TRIM56: variants seen among roughly 807,000 people sequenced by gnomAD.
The protein encoded by TRIM56 is tripartite motif containing 56, also known as E3 ubiquitin-protein ligase TRIM56.
Under a neutral mutation model 17.1 loss-of-function variants are expected in TRIM56, and 10 were observed. The ratio of observed to expected loss-of-function variants is 0.58; its 90% CI spans 0.36 to 0.99. The LOEUF (loss-of-function observed/expected upper bound fraction) is 0.99, where lower values mean the gene tolerates loss of function less well. TRIM56 is among the 50% of genes least tolerant of loss of function. The probability of loss-of-function intolerance (pLI) is 0.01; values close to 1 mark genes in which losing one functional copy is unlikely to be tolerated. For missense variants in TRIM56, 923 were observed against 1,052.3 expected (o/e 0.88, Z 1.70); for synonymous variants, 503 against 473.5 (o/e 1.06, Z -0.81).
In TRIM56 at chr7:101,087,900, C is replaced by T. The variant is rs752634341; in HGVS notation, c.588C>T (p.Pro196=). Residue 196 remains proline, a synonymous_variant, in exon 3 of 3, where the codon CCC becomes CCT. Coordinates refer to ENST00000306085, the MANE Select transcript of TRIM56 (RefSeq NM_030961.3). ...QLLCRECRLD[P]HLDHPCLPLA... is the part of the protein sequence containing the mutation. ...TGTGCAGAGAGTGCCGCCTAGACCC[C>T]CACCTGGACCACCCCTGCCTGCCTC... 5.0e-6 allele frequency: 8 copies of T among 1,603,496 alleles called. No individual in the cohort carries two copies. In the Admixed American group the frequency reaches 8.4e-5, roughly 17 times the overall value.
rs746284659 is a variant in TRIM56, at chr7:101,088,671, G to C, written c.1359G>C (p.Arg453Ser). The C allele has an allele frequency of 1.6e-5, 26 of 1,613,936 alleles. No homozygotes were observed. Among genetic ancestry groups the C allele is most frequent in the Non-Finnish European group, 2.1e-5 (25 of 1,179,958 alleles). ...AGGATGGAGGACCCCAGCCCCACAG[G>C]GGTGGCAGACCCAACAAGAAGAAAA... is the stretch of plus-strand genomic sequence containing the variant. ...PHEDGGPQPH[R>S]GGRPNKKKKF... The change falls in exon 3 of 3, where the codon AGG (arginine) becomes AGC (serine). Residue 453 changes from arginine to serine, a missense_variant. Transcript: ENST00000306085.
rs1465217035 is a variant in TRIM56 at position 101,096,154 on chromosome 7, A to G, written c.*6574A>G. 1 of 151,860 alleles carries G rather than the reference A, an allele frequency of 6.6e-6. No homozygotes were observed. The highest frequency in any genetic ancestry group is 6.6e-5 in the Admixed American group (1 of 15,176). The allele number at this position is 151,860 out of a possible 1,614,324, so 9.4% of individuals were successfully genotyped here. A position where few individuals can be genotyped will look rare whatever the true frequency, so the allele number is the denominator to read the frequency against. ...CAGCGAGCTGAGATCGTACCACTGC[A>G]CTCCAGCCTGGGCAACAGAGTGAGA... On this transcript the variant is annotated 3_prime_UTR_variant, in exon 3 of 3. Coordinates refer to ENST00000306085, the MANE Select transcript of TRIM56 (RefSeq NM_030961.3).
Position 101,088,342 on chromosome 7 carries a change from C to A in TRIM56, c.1030C>A (p.Pro344Thr). 1 of 1,537,910 alleles carries A rather than the reference C, an allele frequency of 6.5e-7. No homozygotes were observed. Among genetic ancestry groups the A allele is most frequent in the Non-Finnish European group, 8.7e-7 (1 of 1,146,080 alleles). Reference sequence around the variant, plus strand: ...GCAGGGCTGCCCCTGGGCACCAGGCCCGGCCCCCTGCCTGCTCCCACAGCT... The same window carrying A: ...GCAGGGCTGCCCCTGGGCACCAGGCACGGCCCCCTGCCTGCTCCCACAGCT... Reference protein sequence around the residue: ...QLQGCPWAPGPAPCLLPQLEL... With the variant: ...QLQGCPWAPGTAPCLLPQLEL... Residue 344 changes from proline (P) to threonine (T), a missense_variant, in exon 3 of 3, where the codon CCG becomes ACG. Around this residue, in one of 3 missense-constraint regions of TRIM56, gnomAD observed 643 missense variants for 665.6 expected, o/e 0.97. Coordinates refer to ENST00000306085, the MANE Select transcript of TRIM56 (RefSeq NM_030961.3).
In TRIM56 at chr7:101,092,130, G is replaced by A; in HGVS notation, c.*2550G>A. On this transcript the variant is annotated 3_prime_UTR_variant, in exon 3 of 3. Transcript: ENST00000306085. Reference sequence around the variant, plus strand: ...GCTGGAGTGCAGTGTCGTGATCTCGGCTAGCTACAACCTCCACCTCCCAGC... The same window carrying A: ...GCTGGAGTGCAGTGTCGTGATCTCGACTAGCTACAACCTCCACCTCCCAGC... 4.0e-6 allele frequency: 1 copy of A among 251,532 alleles called. No individual in the cohort carries two copies. Among genetic ancestry groups the A allele is most frequent in the South Asian group, 3.8e-5 (1 of 26,536 alleles). The allele number at this position is 251,532 out of a possible 1,614,324, so 15.6% of individuals were successfully genotyped here.
Position 101,087,344 on chromosome 7 carries a change from T to TG in TRIM56, c.34dup (p.Glu12GlyfsTer11). 6.2e-7 allele frequency: 1 copy of TG among 1,613,068 alleles called. No homozygotes were observed. Among genetic ancestry groups the TG allele is most frequent in the Non-Finnish European group, 8.5e-7 (1 of 1,179,956 alleles). On this transcript the variant is annotated frameshift_variant, in exon 3 of 3. Coordinates refer to ENST00000306085, the MANE Select transcript of TRIM56 (RefSeq NM_030961.3). LOFTEE classifies it low-confidence loss of function (END_TRUNC). ...TCCCACGGGTCCTCGCCCTCCCTCCTGGAGGCCCTGAGCAGCGACTTCCTG... is the reference window on the plus strand; with the variant it reads ...TCCCACGGGTCCTCGCCCTCCCTCCTGGGAGGCCCTGAGCAGCGACTTCCTG...
At position 101,094,297 on chromosome 7, in the gene TRIM56, A is replaced by G. The variant is rs1390427009; in HGVS notation, c.*4717A>G. 1 of 152,218 alleles carries G rather than the reference A, an allele frequency of 6.6e-6. No homozygotes were observed. Among genetic ancestry groups the G allele is most frequent in the East Asian group, 1.9e-4 (1 of 5,196 alleles). The allele number at this position is 152,218 out of a possible 1,614,324, so 9.4% of individuals were successfully genotyped here. A position where few individuals can be genotyped will look rare whatever the true frequency, so the allele number is the denominator to read the frequency against. ...AAGGAAAACATCTGTCTAAATAATT[A>G]CTGAGTAGAAATAGGTTCGGAATTT... On this transcript the variant is annotated 3_prime_UTR_variant, in exon 3 of 3. Transcript: ENST00000306085.
rs1318895806 is a variant in TRIM56 at position 101,091,652 on chromosome 7, A to C, written c.*2072A>C. 2.3e-6 allele frequency: 1 copy of C among 430,290 alleles called. No homozygotes were observed. Among genetic ancestry groups the C allele is most frequent in the African/African-American group, 2.1e-5 (1 of 47,932 alleles). 26.7% of individuals were successfully genotyped at this position (430,290 alleles called of 1,614,324 possible). A position where few individuals can be genotyped will look rare whatever the true frequency, so the allele number is the denominator to read the frequency against. On this transcript the variant is annotated 3_prime_UTR_variant, in exon 3 of 3. Coordinates refer to ENST00000306085, the MANE Select transcript of TRIM56 (RefSeq NM_030961.3). ...TGAGGCAGGAGAATCATTTGAACCCAGGAGGTGGAAGTTGCAGTGAGCTCA... is the reference window on the plus strand; with the variant it reads ...TGAGGCAGGAGAATCATTTGAACCCCGGAGGTGGAAGTTGCAGTGAGCTCA...
rs575895725 is a variant in TRIM56 at position 101,088,290 on chromosome 7, G to T, written c.978G>T (p.Gly326=). Residue 326 remains glycine (G), a synonymous_variant, in exon 3 of 3, where the codon GGG becomes GGT. Coordinates refer to ENST00000306085, the MANE Select transcript of TRIM56 (RefSeq NM_030961.3). The part of the protein sequence containing the change: ...GREAEILSLE[G]AIAQRLRQLQ... ...AGGCCGAGATCCTCTCCCTGGAAGG[G>T]GCGATCGCACAGCGGCTCAGGCAGC... The T allele has an allele frequency of 1.7e-4, 265 of 1,522,530 alleles. No homozygotes were observed. In the East Asian group the frequency reaches 5.6e-3, roughly 32 times the overall value. The allele number at this position is 1,522,530 out of a possible 1,614,324, so 94.3% of individuals were successfully genotyped here.
Position 101,092,002 on chromosome 7 carries a change from C to T in TRIM56, c.*2422C>T, listed in dbSNP as rs1009143351. ...ACGGGGTTTCACTGTGTTGGCCGGGCTGGTCTCCAGCTCCTAACCGCGAGT... is the reference window on the plus strand; with the variant it reads ...ACGGGGTTTCACTGTGTTGGCCGGGTTGGTCTCCAGCTCCTAACCGCGAGT... On this transcript the variant is annotated 3_prime_UTR_variant, in exon 3 of 3. Transcript: ENST00000306085. 1.6e-5 allele frequency: 5 copies of T among 303,910 alleles called. No individual in the cohort carries two copies. The highest frequency in any genetic ancestry group is 4.7e-5 in the Admixed American group (1 of 21,280). 18.8% of individuals were successfully genotyped at this position (303,910 alleles called of 1,614,324 possible). A position where few individuals can be genotyped will look rare whatever the true frequency, so the allele number is the denominator to read the frequency against.
chr7:101,088,166 A>T lies in TRIM56; in HGVS notation c.854A>T (p.Glu285Val). The change falls in exon 3 of 3, where the codon GAA (glutamate) becomes GTA (valine). Residue 285 changes from glutamate (E) to valine (V), a missense_variant. By Grantham distance (121) the Glu-to-Val change is moderately radical. Around this residue, in one of 3 missense-constraint regions of TRIM56, gnomAD observed 643 missense variants for 665.6 expected, o/e 0.97. Transcript: ENST00000306085. ...GQLRAHVEAA[E>V]EAARERLAEL... ...CTACGAGCCCACGTGGAGGCTGCCG[A>T]AGAAGCTGCTCGGGAGAGGCTGGCG... 6.7e-7 allele frequency: 1 copy of T among 1,500,310 alleles called. No individual in the cohort carries two copies. The highest frequency in any genetic ancestry group is 8.9e-7 in the Non-Finnish European group (1 of 1,126,030). 92.9% of individuals were successfully genotyped at this position (1,500,310 alleles called of 1,614,324 possible). A position where few individuals can be genotyped will look rare whatever the true frequency, so the allele number is the denominator to read the frequency against.
rs1411841976 is a variant in TRIM56 at position 101,088,221 on chromosome 7, G to A, written c.909G>A (p.Arg303=). The A allele has an allele frequency of 6.8e-7, 1 of 1,464,322 alleles. No individual in the cohort carries two copies. The highest frequency in any genetic ancestry group is 9.0e-7 in the Non-Finnish European group (1 of 1,113,672). 90.7% of individuals were successfully genotyped at this position (1,464,322 alleles called of 1,614,324 possible). A position where few individuals can be genotyped will look rare whatever the true frequency, so the allele number is the denominator to read the frequency against. ...AELEGREQVA[R]AAAAFARRVL... is the part of the protein sequence containing the mutation. ...TTGAGGGCCGGGAGCAGGTGGCCAGGGCCGCAGCCGCCTTCGCCCGCCGGG... is the reference window on the plus strand; with the variant it reads ...TTGAGGGCCGGGAGCAGGTGGCCAGAGCCGCAGCCGCCTTCGCCCGCCGGG... The change falls in exon 3 of 3, where the codon AGG becomes AGA. Residue 303 remains arginine, a synonymous_variant. Transcript: ENST00000306085.
Position 101,096,283 on chromosome 7 carries a change from A to T in TRIM56, c.*6703A>T, listed in dbSNP as rs1795652392. ...CCACTGCACCACACCTGGGATTGTG[A>T]CAATTAACTTGATAAATTGTTCCTT... is the stretch of plus-strand genomic sequence containing the variant. On this transcript the variant is annotated 3_prime_UTR_variant, in exon 3 of 3. Coordinates refer to ENST00000306085, the MANE Select transcript of TRIM56 (RefSeq NM_030961.3). 6.6e-6 allele frequency: 1 copy of T among 152,186 alleles called. No homozygotes were observed. Among genetic ancestry groups the T allele is most frequent in the Non-Finnish European group, 1.5e-5 (1 of 68,044 alleles). The allele number at this position is 152,186 out of a possible 1,614,324, so 9.4% of individuals were successfully genotyped here. A position where few individuals can be genotyped will look rare whatever the true frequency, so the allele number is the denominator to read the frequency against.
rs746665547 is a variant in TRIM56, at chr7:101,089,277, G to A, written c.1965G>A (p.Gln655=). 87 of 1,609,762 alleles carry A rather than the reference G, an allele frequency of 5.4e-5. No homozygotes were observed. The highest frequency in any genetic ancestry group is 6.9e-5 in the Non-Finnish European group (81 of 1,176,984). Residue 655 remains glutamine, a synonymous_variant, in exon 3 of 3, where the codon CAG becomes CAA. Transcript: ENST00000306085. Reference sequence around the variant, plus strand: ...ATTTCGTGGGGTCGGACTGGCAGCAGAATAGTGTGGTAATCTGTGATGGGC... The same window carrying A: ...ATTTCGTGGGGTCGGACTGGCAGCAAAATAGTGTGGTAATCTGTGATGGGC... The part of the protein sequence containing the change: ...QGHFVGSDWQ[Q]NSVVICDGLG...
rs1311936952 is a variant in TRIM56 at position 101,095,436 on chromosome 7, G to T, written c.*5856G>T. On this transcript the variant is annotated 3_prime_UTR_variant, in exon 3 of 3. Transcript: ENST00000306085. ...GTGTCCCGCTTCTGTGCATGTGGAG[G>T]GGGTAACTGGGAACCGTGTACTGTA... The T allele has an allele frequency of 6.6e-6, 1 of 152,306 alleles. No homozygotes were observed. The highest frequency in any genetic ancestry group is 1.9e-4 in the East Asian group (1 of 5,186). 9.4% of individuals were successfully genotyped at this position (152,306 alleles called of 1,614,324 possible).
Position 101,093,384 on chromosome 7 carries a change from A to G in TRIM56, c.*3804A>G, listed in dbSNP as rs1232445493. 6.6e-6 allele frequency: 1 copy of G among 152,336 alleles called. No homozygotes were observed. The highest frequency in any genetic ancestry group is 1.5e-5 in the Non-Finnish European group (1 of 68,566). The allele number at this position is 152,336 out of a possible 1,614,324, so 9.4% of individuals were successfully genotyped here. A position where few individuals can be genotyped will look rare whatever the true frequency, so the allele number is the denominator to read the frequency against. The stretch of plus-strand genomic sequence containing the variant: ...AGAAAACCAAGAAGATGGGAAAACC[A>G]TGCAGAATTGATTTGACGAGGAAAG... On this transcript the variant is annotated 3_prime_UTR_variant, in exon 3 of 3. Transcript: ENST00000306085.
At position 101,088,922 on chromosome 7, in the gene TRIM56, A is replaced by G. The variant is rs755441953; in HGVS notation, c.1610A>G (p.Asn537Ser). 11 of 1,613,566 alleles carry G rather than the reference A, an allele frequency of 6.8e-6. No homozygotes were observed. The highest frequency in any genetic ancestry group is 8.5e-6 in the Non-Finnish European group (10 of 1,180,010). ...CGGGCACTGAAACGCTTCTCCCTCA[A>G]CGGCGACTACAAGGGCACCGTGCCG... ...QNRALKRFSL[N>S]GDYKGTVPVP... Residue 537 changes from asparagine (N) to serine (S), a missense_variant, in exon 3 of 3, where the codon AAC (asparagine) becomes AGC (serine). Around this residue, in one of 3 missense-constraint regions of TRIM56, gnomAD observed 643 missense variants for 665.6 expected, o/e 0.97. Coordinates refer to ENST00000306085, the MANE Select transcript of TRIM56 (RefSeq NM_030961.3).
At position 101,089,659 on chromosome 7, in the gene TRIM56, C is replaced by T; in HGVS notation, c.*79C>T. On this transcript the variant is annotated 3_prime_UTR_variant, in exon 3 of 3. Coordinates refer to ENST00000306085, the MANE Select transcript of TRIM56 (RefSeq NM_030961.3). ...CAGAGCTGTCCGTGGGAGGTGGAGG[C>T]CGAGGACATTTTCCTGAAGGGCAGG... 2.2e-6 allele frequency: 3 copies of T among 1,383,380 alleles called. No homozygotes were observed. The highest frequency in any genetic ancestry group is 2.9e-6 in the Non-Finnish European group (3 of 1,023,830). The allele number at this position is 1,383,380 out of a possible 1,614,324, so 85.7% of individuals were successfully genotyped here. A position where few individuals can be genotyped will look rare whatever the true frequency, so the allele number is the denominator to read the frequency against.
chr7:101,088,260 G>T lies in TRIM56; in HGVS notation c.948G>T (p.Gly316=). 6.7e-7 allele frequency: 1 copy of T among 1,494,952 alleles called. No individual in the cohort carries two copies. The highest frequency in any genetic ancestry group is 1.3e-5 in the South Asian group (1 of 75,566). The allele number at this position is 1,494,952 out of a possible 1,614,324, so 92.6% of individuals were successfully genotyped here. Residue 316 remains glycine (G), a synonymous_variant, in exon 3 of 3, where the codon GGG becomes GGT. Coordinates refer to ENST00000306085, the MANE Select transcript of TRIM56 (RefSeq NM_030961.3). ...TCGCCCGCCGGGTACTCAGCCTGGG[G>T]CGAGAGGCCGAGATCCTCTCCCTGG... The part of the protein sequence containing the change: ...AAFARRVLSL[G]REAEILSLEG...
Position 101,088,962 on chromosome 7 carries a change from C to G in TRIM56, c.1650C>G (p.Cys550Trp). 6.2e-7 allele frequency: 1 copy of G among 1,612,900 alleles called. No homozygotes were observed. The highest frequency in any genetic ancestry group is 2.2e-5 in the East Asian group (1 of 44,876). ...GCACCGTGCCGGTCCCTGAGGGCTG[C>G]TCCCCTTGCAGCGTGGCCGCCCTGC... ...YKGTVPVPEG[C>W]SPCSVAALQS... The change falls in exon 3 of 3, where the codon TGC (cysteine) becomes TGG (tryptophan). Residue 550 changes from cysteine (C) to tryptophan (W), a missense_variant. By Grantham distance (215) the Cys-to-Trp change is radical. Around this residue, in one of 3 missense-constraint regions of TRIM56, gnomAD observed 643 missense variants for 665.6 expected, o/e 0.97. Transcript: ENST00000306085.
Sources: gnomAD v4.1 joint callset for allele counts on GRCh38, gnomAD v4.1.1 for gene constraint, gnomAD v4.1.1 regional missense constraint, MANE v1.5 for transcripts, NCBI Gene and HGNC (gene_info 2026-07-23, HGNC 2026-07-21) for gene names.